The following DLGAP2 variants were observed in gnomAD, a reference collection of about 807,000 sequenced individuals.
DLGAP2 encodes the protein DLG associated protein 2, also known as disks large-associated protein 2.
Under a neutral mutation model 100.3 loss-of-function variants are expected in DLGAP2, and 26 were observed. The ratio of observed to expected loss-of-function variants is 0.26; its 90% confidence interval spans 0.19 to 0.36. DLGAP2 has a LOEUF of 0.36. Ranked by LOEUF, DLGAP2 falls within the 10% of genes least tolerant of loss-of-function variation. DLGAP2 has a pLI of 1.00. For synonymous variants in DLGAP2, 886 were observed against 630.1 expected, an observed-to-expected ratio of 1.41 and a Z score of -6.08; for missense variants, 1,858 against 1,453.2, an observed-to-expected ratio of 1.28 and a Z score of -4.53.
chr8:863,267 T>C (rs565422187), intron 1 of DLGAP2, among the ~76,000 whole-genome samples: 1 of 152,342 alleles, frequency 6.6e-6, no homozygotes, highest in African/African-American at 2.4e-5. Flanking sequence ...TATTTAAGGA[T>C]GTGCTTTGAT....
intron 3 of DLGAP2, among the ~76,000 whole-genome samples, chr8:1,288,556 G>GTA (rs1563063054): frequency 2.0e-5 from 1 of 50,322 alleles, no homozygotes; most frequent in African/African-American, 1.6e-4. Context: ...GTGTGTGTGT[G>GTA]TGTGGTTAGG....
At chr8:1,204,049 G>A (rs1797938464) in intron 2 of DLGAP2, among the ~76,000 whole-genome samples, 1 of 152,250 alleles carries the variant, frequency 6.6e-6, no homozygotes, top group African/African-American at 2.4e-5. Context: ...AACCACCTGA[G>A]GATCTCAGGA....
intron 2 of DLGAP2, among the ~76,000 whole-genome samples, chr8:1,136,375 T>A (rs750452205): frequency 6.6e-6 from 1 of 152,212 alleles, no homozygotes; most frequent in Non-Finnish European, 1.5e-5. Flanking sequence ...CCACAGCAGA[T>A]GCTCGTGGGA....
intron 12 of DLGAP2, among the ~76,000 whole-genome samples, chr8:1,688,670 C>A (rs992936289): frequency 1.3e-5 from 2 of 152,080 alleles, no homozygotes; most frequent in Admixed American, 6.5e-5. Context: ...CTTTGGGGAG[C>A]AAAACAATCT....
At chr8:1,372,119 C>T (rs984233482) in intron 3 of DLGAP2, among the ~76,000 whole-genome samples, 6 of 152,120 alleles carry the variant, frequency 3.9e-5, no homozygotes, top group Non-Finnish European at 5.9e-5. Flanking sequence ...GGGACCTGGG[C>T]CCTCACCTGC....
At chr8:1,431,582 C>A (rs984897610) in intron 3 of DLGAP2, among the ~76,000 whole-genome samples, 1 of 152,236 alleles carries the variant, frequency 6.6e-6, no homozygotes, top group African/African-American at 2.4e-5. Flanking sequence ...AAAGGCAGCA[C>A]TGGCCACATC....
At chr8:1,476,201 G>A (rs147287463) in intron 3 of DLGAP2, among the ~76,000 whole-genome samples, 19 of 152,280 alleles carry the variant, frequency 1.2e-4, no homozygotes, top group African/African-American at 4.6e-4. Context: ...TGGATGCGTG[G>A]CTCGTCCTGG....
intron 6 of DLGAP2, among the ~76,000 whole-genome samples, chr8:1,581,921 T>G (rs557989405): frequency 2.2e-5 from 3 of 138,644 alleles, no homozygotes; most frequent in Non-Finnish European, 4.6e-5. Context: ...ACACCACACA[T>G]CTACACACCA....
intron 3 of DLGAP2, among the ~76,000 whole-genome samples, chr8:1,289,636 C>T (rs1379006497): frequency 1.3e-5 from 2 of 152,164 alleles, no homozygotes; most frequent in Non-Finnish European, 2.9e-5. Flanking sequence ...AGCGTTCCTA[C>T]ATAGTCCCTG....
intron 1 of DLGAP2, among the ~76,000 whole-genome samples, chr8:830,376 C>T (rs576813127): frequency 4.6e-5 from 7 of 152,250 alleles, no homozygotes; most frequent in African/African-American, 1.7e-4. Flanking sequence ...TCCTGTTATG[C>T]TGTCAAATAT....
At chr8:1,199,328 C>CT (rs2116752800) in intron 2 of DLGAP2, among the ~76,000 whole-genome samples, 1 of 152,340 alleles carries the variant, frequency 6.6e-6, no homozygotes, top group African/African-American at 2.4e-5. Flanking sequence ...CCCTGGTGAT[C>CT]TCTTTTGGCT....
At chr8:1,557,382 C>T (rs141232861) in intron 5 of DLGAP2, among the ~76,000 whole-genome samples, 54 of 152,196 alleles carry the variant, frequency 3.5e-4, no homozygotes, top group African/African-American at 1.2e-3. Context: ...GTGAGATGGA[C>T]GTGCCGATGG....
intron 3 of DLGAP2, among the ~76,000 whole-genome samples, chr8:1,315,951 C>G (rs1189953394): frequency 7.4e-6 from 1 of 135,890 alleles, no homozygotes; most frequent in Non-Finnish European, 1.6e-5. Context: ...CAACAGTGGT[C>G]TACACTCGAG....
chr8:785,397 C>T (rs1425589978), intron 1 of DLGAP2, among the ~76,000 whole-genome samples: 2 of 149,658 alleles, frequency 1.3e-5, no homozygotes, highest in East Asian at 3.9e-4. Flanking sequence ...AGACCGGCTT[C>T]TCTCCTCCCC....
chr8:833,643 C>G (rs1796821138), intron 1 of DLGAP2, among the ~76,000 whole-genome samples: 1 of 152,198 alleles, frequency 6.6e-6, no homozygotes, highest in Admixed American at 6.5e-5. Flanking sequence ...GGCTTCTCCC[C>G]TTTGCAAAGT....
intron 1 of DLGAP2, among the ~76,000 whole-genome samples, chr8:874,163 C>A (rs1266061725): frequency 6.6e-6 from 1 of 151,996 alleles, no homozygotes; most frequent in Non-Finnish European, 1.5e-5. Flanking sequence ...AGCCACCTTT[C>A]CATTTCATTT....
At chr8:765,010 G>T (rs1010567933) in intron 1 of DLGAP2, among the ~76,000 whole-genome samples, 1 of 152,182 alleles carries the variant, frequency 6.6e-6, no homozygotes, top group Non-Finnish European at 1.5e-5. Flanking sequence ...GTGACTAGTG[G>T]TAGTGAGCAA....
At chr8:1,262,389 T>C (rs1343830187) in intron 3 of DLGAP2, 1 of 152,206 alleles carries the variant, frequency 6.6e-6, no homozygotes, top group Non-Finnish European at 1.5e-5. Context: ...TGATTATTAT[T>C]TACTGGTACC....
intron 2 of DLGAP2, among the ~76,000 whole-genome samples, chr8:977,071 G>C (rs1563124173): frequency 6.6e-6 from 1 of 152,234 alleles, no homozygotes; most frequent in Non-Finnish European, 1.5e-5. Context: ...CAGGATTTAT[G>C]ACTTGTCTGC....
Sources: gnomAD v4.1 joint callset for allele counts (sites outside exome capture counted in the v4.1 genomes callset) on GRCh38, gnomAD v4.1.1 for gene constraint, MANE v1.5 for transcripts, NCBI Gene and HGNC (gene_info 2026-07-23, HGNC 2026-07-21) for gene names.